Variants in LRRC7 observed in about 807,000 individuals in gnomAD.
LRRC7 encodes the protein leucine-rich repeat-containing protein 7.
LRRC7 carries 23 observed loss-of-function variants against 175.7 expected under a neutral mutation model. The ratio of observed to expected loss-of-function variants is 0.13; its 90% CI spans 0.09 to 0.19. LRRC7 has a LOEUF of 0.19. Among genes scored for constraint, LRRC7 ranks in the 10% least tolerant of loss-of-function variants. The pLI is 1.00. For missense variants in LRRC7, 1,354 were observed against 1,904.7 expected (o/e 0.71, Z 5.38); for synonymous variants, 685 against 680.9 (o/e 1.01, Z -0.09).
intron 2 of LRRC7, among the ~76,000 whole-genome samples, chr1:69,692,625 C>T (rs547524453): frequency 2.0e-5 from 3 of 152,150 alleles, no homozygotes; most frequent in Non-Finnish European, 4.4e-5. Flanking sequence ...CAAATTGTGT[C>T]TTACATTATT....
At chr1:70,047,928 C>A (rs1320588917) in intron 22 of LRRC7, among the ~76,000 whole-genome samples, 3 of 151,770 alleles carry the variant, frequency 2.0e-5, no homozygotes, top group Non-Finnish European at 2.9e-5. Context: ...ACATATAAAT[C>A]TTTTATTAAA....
chr1:70,034,389 C>T (rs1465446884), intron 18 of LRRC7, among the ~76,000 whole-genome samples: 1 of 151,784 alleles, frequency 6.6e-6, no homozygotes, highest in East Asian at 1.9e-4. Flanking sequence ...AAAAAGTCAG[C>T]GATTAATTTC....
intron 1 of LRRC7, 110 bp downstream of exon 1, chr1:69,568,751 G>A: frequency 8.1e-6 from 5 of 614,290 alleles, no homozygotes; most frequent in South Asian, 2.7e-5. Flanking sequence ...GGCGGGGGTG[G>A]CAGGGCGGGA....
chr1:69,986,554 G>A (rs867671411), intron 10 of LRRC7, among the ~76,000 whole-genome samples, 168 bp downstream of exon 10: 5 of 152,144 alleles, frequency 3.3e-5, no homozygotes, highest in African/African-American at 1.2e-4. Context: ...TATCTTAAGT[G>A]AAATATTAAC....
intron 26 of LRRC7, among the ~76,000 whole-genome samples, chr1:70,119,462 A>G (rs1184262200): frequency 6.6e-6 from 1 of 151,588 alleles, no homozygotes; most frequent in Non-Finnish European, 1.5e-5. Context: ...CTTTCTTACT[A>G]CCCATCCCCA....
intron 5 of LRRC7, among the ~76,000 whole-genome samples, chr1:69,828,891 T>C (rs1030764932): frequency 5.3e-5 from 8 of 151,960 alleles, no homozygotes. Context: ...GCTTGTAATA[T>C]GTTTTCATCA....
At chr1:70,090,907 A>G (rs1194902337) in intron 25 of LRRC7, among the ~76,000 whole-genome samples, 1 of 152,084 alleles carries the variant, frequency 6.6e-6, no homozygotes, top group Non-Finnish European at 1.5e-5. Flanking sequence ...CCTCCCAGTG[A>G]TCTTGTTTCT....
intron 7 of LRRC7, chr1:69,919,284 A>T: frequency 3.9e-6 from 2 of 518,896 alleles, no homozygotes; most frequent in South Asian, 5.0e-5. Flanking sequence ...TATTTGCTAG[A>T]TACATTAGCA....
At chr1:69,764,209 G>A (rs1367698951) in intron 3 of LRRC7, among the ~76,000 whole-genome samples, 1 of 151,848 alleles carries the variant, frequency 6.6e-6, no homozygotes, top group Admixed American at 6.6e-5. Flanking sequence ...ATTTAGTACT[G>A]TTTTGCTTGT....
intron 8 of LRRC7, among the ~76,000 whole-genome samples, chr1:69,943,665 G>A (rs1004149182): frequency 1.4e-5 from 2 of 146,370 alleles, no homozygotes; most frequent in African/African-American, 5.4e-5. Flanking sequence ...AAAACATATG[G>A]CCCAAGTGAA....
intron 2 of LRRC7, among the ~76,000 whole-genome samples, chr1:69,721,774 G>T (rs1666377908): frequency 6.6e-6 from 1 of 151,640 alleles, no homozygotes; most frequent in Non-Finnish European, 1.5e-5. Context: ...TTTCTCAAAG[G>T]ATATATACAT....
chr1:69,973,001 G>A (rs1180916983), intron 8 of LRRC7, among the ~76,000 whole-genome samples: 2 of 137,200 alleles, frequency 1.5e-5, no homozygotes, highest in Admixed American at 7.5e-5. Flanking sequence ...AATACTACTA[G>A]ATACTATATA....
chr1:69,644,569 T>C (rs1414171752), intron 1 of LRRC7, among the ~76,000 whole-genome samples: 4 of 152,032 alleles, frequency 2.6e-5, no homozygotes, highest in Non-Finnish European at 5.9e-5. Context: ...TTCTTGCTTT[T>C]TTAACCATAT....
rs945035806 is a variant in LRRC7, at chr1:70,036,069, A to G, written c.1996-52A>G. ...AAATAAAGATACTGCCACTTTGGTT[A>G]ACCATTGTTTAAATGTTTACTTTCC... is the stretch of plus-strand genomic sequence containing the variant. On this transcript the variant is annotated intron_variant, in intron 18 of 26. Transcript: ENST00000651989. The G allele has an allele frequency of 1.2e-5, 17 of 1,418,206 alleles. No homozygotes were observed. In the African/African-American group the frequency reaches 2.2e-4, roughly 18 times the overall value. 87.9% of individuals were successfully genotyped at this position (1,418,206 alleles called of 1,614,324 possible). A position where few individuals can be genotyped will look rare whatever the true frequency, so the allele number is the denominator to read the frequency against.
At chr1:69,574,825 G>C (rs1645880763) in intron 1 of LRRC7, among the ~76,000 whole-genome samples, 1 of 151,988 alleles carries the variant, frequency 6.6e-6, no homozygotes, top group Admixed American at 6.6e-5. Context: ...CTTCTGATCA[G>C]TGTAATTCAA....
chr1:69,931,151 G>C (rs1647333033), intron 7 of LRRC7, among the ~76,000 whole-genome samples: 1 of 152,152 alleles, frequency 6.6e-6, no homozygotes, highest in South Asian at 2.1e-4. Context: ...AGAATGGTTT[G>C]CTGAGAATTG....
At chr1:69,890,248 C>T (rs968311998) in intron 7 of LRRC7, among the ~76,000 whole-genome samples, 8 of 152,190 alleles carry the variant, frequency 5.3e-5, no homozygotes, top group Non-Finnish European at 8.8e-5. Flanking sequence ...AAAATTACTC[C>T]TTGACCCATT....
chr1:69,876,282 T>C (rs1181441701), intron 7 of LRRC7, among the ~76,000 whole-genome samples: 1 of 152,186 alleles, frequency 6.6e-6, no homozygotes, highest in Non-Finnish European at 1.5e-5. Flanking sequence ...GAGCCAAAAC[T>C]GGCAGATCTA....
At chr1:69,992,181 T>G in intron 10 of LRRC7, among the ~76,000 whole-genome samples, 1 of 152,246 alleles carries the variant, frequency 6.6e-6, no homozygotes, top group South Asian at 2.1e-4. Flanking sequence ...TACAATATAA[T>G]ATTTATTATA....
Sources: gnomAD v4.1 joint callset for allele counts (sites outside exome capture counted in the v4.1 genomes callset) on GRCh38, gnomAD v4.1.1 for gene constraint, MANE v1.5 for transcripts, NCBI Gene and HGNC (gene_info 2026-07-23, HGNC 2026-07-21) for gene names.